Variants in SAMD4A observed in about 807,000 individuals in gnomAD.
SAMD4A encodes the protein sterile alpha motif domain containing 4A.
SAMD4A carries 33 observed loss-of-function variants against 81.3 expected under a neutral mutation model. The ratio of observed to expected loss-of-function variants is 0.41; its 90% CI spans 0.31 to 0.54. The LOEUF (loss-of-function observed/expected upper bound fraction) is 0.54, where lower values mean the gene tolerates loss of function less well. Ranked by LOEUF, SAMD4A falls within the 20% of genes least tolerant of loss-of-function variation. The pLI is 0.37. For missense variants in SAMD4A, 854 were observed against 951.1 expected, an observed-to-expected ratio of 0.90 and a Z score of 1.34; for synonymous variants, 389 against 382.1, an observed-to-expected ratio of 1.02 and a Z score of -0.21.
At chr14:54,650,833 G>A (rs1425445859) in intron 2 of SAMD4A, among the ~76,000 whole-genome samples, 8 of 152,088 alleles carry the variant, frequency 5.3e-5, no homozygotes, top group Admixed American at 6.5e-5. Context: ...CGTGCCCCAC[G>A]TTGTATGCTT....
chr14:54,608,083 T>C (rs150784355), intron 2 of SAMD4A, among the ~76,000 whole-genome samples: 10 of 150,734 alleles, frequency 6.6e-5, no homozygotes, highest in African/African-American at 2.4e-4. Flanking sequence ...CCTCAGCCAC[T>C]AGTGTCGAGA....
At chr14:54,785,001 G>A (rs1269097246) in intron 12 of SAMD4A, among the ~76,000 whole-genome samples, 6 of 152,190 alleles carry the variant, frequency 3.9e-5, no homozygotes, top group Admixed American at 2.6e-4. Flanking sequence ...GGAATATCCC[G>A]CACAACACTG....
chr14:54,752,777 T>C (rs990270967), intron 6 of SAMD4A, among the ~76,000 whole-genome samples: 19 of 152,148 alleles, frequency 1.2e-4, no homozygotes, highest in African/African-American at 4.3e-4. Flanking sequence ...GAGTTCCCTG[T>C]TTTTATTGGT....
chr14:54,602,743 A>G (rs1227764563), intron 2 of SAMD4A, among the ~76,000 whole-genome samples: 1 of 152,120 alleles, frequency 6.6e-6, no homozygotes, highest in East Asian at 1.9e-4. Context: ...ACATGTATAC[A>G]TATGTAACAA....
At position 54,789,238 on chromosome 14, in the gene SAMD4A, G is replaced by A. The variant is rs1045836019; in HGVS notation, c.*294G>A. 3.0e-5 allele frequency: 16 copies of A among 527,424 alleles called. No individual in the cohort carries two copies. Among genetic ancestry groups the A allele is most frequent in the Non-Finnish European group, 4.5e-5 (13 of 292,076 alleles). The allele number at this position is 527,424 out of a possible 1,614,324, so 32.7% of individuals were successfully genotyped here. The stretch of plus-strand genomic sequence containing the variant: ...GAGGGGGGTGGAGGGAATGCAGGTA[G>A]CTCTCTGGATGGAACGGGGACAGGG... On this transcript the variant is annotated 3_prime_UTR_variant, in exon 13 of 13. Transcript: ENST00000554335.
At chr14:54,727,546 A>G (rs2037455915) in intron 3 of SAMD4A, among the ~76,000 whole-genome samples, 1 of 152,160 alleles carries the variant, frequency 6.6e-6, no homozygotes, top group Non-Finnish European at 1.5e-5. Flanking sequence ...TGTGAAAAAT[A>G]TGGCACTAAA....
intron 2 of SAMD4A, among the ~76,000 whole-genome samples, chr14:54,607,080 C>T (rs8021570): frequency 0.037 from 5,660 of 152,292 alleles, 155 homozygotes; most frequent in Non-Finnish European, 0.057. Context: ...GAGTTCAGTG[C>T]TTTCAAGGTT....
At chr14:54,650,880 A>G (rs2140422380) in intron 2 of SAMD4A, among the ~76,000 whole-genome samples, 1 of 152,120 alleles carries the variant, frequency 6.6e-6, no homozygotes, top group East Asian at 1.9e-4. Context: ...TACTTGCTTG[A>G]CCTTTTAGTT....
At chr14:54,593,625 A>G (rs964342133) in intron 2 of SAMD4A, among the ~76,000 whole-genome samples, 6 of 152,192 alleles carry the variant, frequency 3.9e-5, no homozygotes, top group African/African-American at 1.4e-4. Context: ...ACAAATGCTT[A>G]GTTTCGCTTA....
chr14:54,687,924 C>T, intron 2 of SAMD4A: 1 of 987,130 alleles, frequency 1.0e-6, no homozygotes, highest in Non-Finnish European at 1.2e-6. Context: ...TCTCAGGCAT[C>T]ACCCTCTGTG....
intron 2 of SAMD4A, among the ~76,000 whole-genome samples, chr14:54,611,348 A>G (rs1232358639): frequency 6.6e-6 from 1 of 152,186 alleles, no homozygotes; most frequent in African/African-American, 2.4e-5. Context: ...TGAATGAGCA[A>G]CACTCAGGAC....
intron 6 of SAMD4A, among the ~76,000 whole-genome samples, chr14:54,757,680 T>G (rs952137831): frequency 1.3e-5 from 2 of 152,180 alleles, no homozygotes; most frequent in African/African-American, 4.8e-5. Context: ...GGGATACATG[T>G]GATCACCCCA....
Position 54,776,486 on chromosome 14 carries a change from C to T in SAMD4A, c.1990C>T (p.Arg664Cys), listed in dbSNP as rs751243678. ...CACCCACAGCTCAGTCCAGAGGACC[C>T]GCTCGCTGCCCGTGCACACTTCCCC... ...SRTHSSVQRT[R>C]SLPVHTSPQN... Residue 664 changes from arginine (R) to cysteine (C), a missense_variant, in exon 11 of 13, where the codon CGC becomes TGC. Coordinates refer to ENST00000554335, the MANE Select transcript of SAMD4A (RefSeq NM_015589.6). The T allele has an allele frequency of 1.6e-5, 26 of 1,595,804 alleles. No homozygotes were observed. Among genetic ancestry groups the T allele is most frequent in the Middle Eastern group, 1.7e-4 (1 of 6,030 alleles).
At chr14:54,650,778 CCTATAAATAATCTATTTTTT>C (rs1433159813) in intron 2 of SAMD4A, among the ~76,000 whole-genome samples, 2 of 152,132 alleles carry the variant, frequency 1.3e-5, no homozygotes, top group African/African-American at 4.8e-5. Flanking sequence ...TTTCCCTTTC[CCTATAAATAATCTATTTTTT>C]CCCACCAGAC....
chr14:54,738,483 G>C (rs1228343551), intron 4 of SAMD4A, among the ~76,000 whole-genome samples: 2 of 152,224 alleles, frequency 1.3e-5, no homozygotes, highest in Non-Finnish European at 1.5e-5. Context: ...TTCCAGGGCT[G>C]AGTGCCCAGA....
At chr14:54,682,129 T>C in intron 2 of SAMD4A, 2 of 898,662 alleles carry the variant, frequency 2.2e-6, no homozygotes, top group Non-Finnish European at 2.7e-6. Context: ...TTTGGGGTTG[T>C]GGCCTTTAAT....
chr14:54,734,047 A>G (rs1431033996), intron 3 of SAMD4A, among the ~76,000 whole-genome samples: 1 of 152,210 alleles, frequency 6.6e-6, no homozygotes, highest in African/African-American at 2.4e-5. Context: ...TGCCAAACAA[A>G]GTGCTCCAGC....
intron 2 of SAMD4A, among the ~76,000 whole-genome samples, chr14:54,595,068 A>G (rs2033876933): frequency 6.6e-6 from 1 of 152,202 alleles, no homozygotes; most frequent in African/African-American, 2.4e-5. Flanking sequence ...ACAAACTTAT[A>G]AAACTTGCCC....
rs942811853 is a variant in SAMD4A, at chr14:54,789,993, C to T, written c.*1049C>T. ...CTCCCTTTCCACCCCACCCATGGGG[C>T]ATTATCCTGTCACTCCCAGCCTTGC... On this transcript the variant is annotated 3_prime_UTR_variant, in exon 13 of 13. Coordinates refer to ENST00000554335, the MANE Select transcript of SAMD4A (RefSeq NM_015589.6). The T allele has an allele frequency of 1.3e-5, 2 of 152,216 alleles. No individual in the cohort carries two copies. The highest frequency in any genetic ancestry group is 4.8e-5 in the African/African-American group (2 of 41,450). 9.4% of individuals were successfully genotyped at this position (152,216 alleles called of 1,614,324 possible). A position where few individuals can be genotyped will look rare whatever the true frequency, so the allele number is the denominator to read the frequency against.
Sources: allele counts gnomAD v4.1 joint callset (sites outside exome capture counted in the v4.1 genomes callset), GRCh38; gene constraint gnomAD v4.1.1; transcripts MANE v1.5; gene names NCBI Gene and HGNC (gene_info 2026-07-23, HGNC 2026-07-21).